The following MCPH1 variants were observed in gnomAD, a reference collection of about 807,000 sequenced individuals.
MCPH1 encodes microcephalin 1.
Under a neutral mutation model 84.5 loss-of-function variants are expected in MCPH1, and 104 were observed. The ratio of observed to expected loss-of-function variants is 1.23; its 90% CI spans 1.05 to 1.45. MCPH1 has a LOEUF of 1.45. MCPH1 is among the 40% of genes most tolerant of loss of function. The probability of loss-of-function intolerance (pLI) is 0.00; values close to 1 mark genes in which losing one functional copy is unlikely to be tolerated. For synonymous variants in MCPH1, 514 were observed against 366.8 expected, an observed-to-expected ratio of 1.40 and a Z score of -4.58; for missense variants, 1,498 against 1,005.7, an observed-to-expected ratio of 1.49 and a Z score of -6.62.
At position 6,566,450 on chromosome 8, in the gene MCPH1, G is replaced by C. The variant is rs555421552; in HGVS notation, c.2215-55004G>C. Among the ~76,000 whole-genome samples the C allele has an allele frequency of 9.8e-5, 15 of 152,346 alleles. No individual in the cohort carries two copies. In the South Asian group the frequency reaches 3.1e-3, roughly 32 times the overall value. On this transcript the variant is annotated intron_variant, in intron 12 of 13. Coordinates refer to ENST00000344683, the MANE Select transcript of MCPH1 (RefSeq NM_024596.5). ...GCAATAACCGTGTGTGGCGAGCAAG[G>C]CTATTGACACTGTACGCCGTGCAGC...
chr8:6,466,304 T>A (rs1417723400), intron 9 of MCPH1, among the ~76,000 whole-genome samples: 1 of 134,760 alleles, frequency 7.4e-6, no homozygotes, highest in Non-Finnish European at 1.6e-5. Flanking sequence ...GCCTGGCTAA[T>A]TTTTTTTTTT....
intron 12 of MCPH1, among the ~76,000 whole-genome samples, chr8:6,613,352 C>G (rs948790934): frequency 6.6e-6 from 1 of 152,160 alleles, no homozygotes; most frequent in Non-Finnish European, 1.5e-5. Context: ...CAGATTCACC[C>G]GCGGCGATGC....
At chr8:6,433,540 G>A (rs894835437) in intron 4 of MCPH1, among the ~76,000 whole-genome samples, 1 of 149,066 alleles carries the variant, frequency 6.7e-6, no homozygotes, top group Admixed American at 6.7e-5. Flanking sequence ...GGCTGAGGCA[G>A]GAGAATTGCT....
rs193008322 is a variant in MCPH1 at position 6,473,024 on chromosome 8, A to G, written c.1936-4570A>G. Among the ~76,000 whole-genome samples the G allele has an allele frequency of 6.0e-4, 91 of 152,332 alleles. No individual in the cohort carries two copies. The East Asian group carries it at 0.014, about 23-fold the overall frequency. ...AATACTCAAGGGTAAAATAAAGTCAATATAAACCATAGAAGGTTATTCTCA... is the reference window on the plus strand; with the variant it reads ...AATACTCAAGGGTAAAATAAAGTCAGTATAAACCATAGAAGGTTATTCTCA... On this transcript the variant is annotated intron_variant, in intron 9 of 13. Transcript: ENST00000344683.
intron 9 of MCPH1, among the ~76,000 whole-genome samples, chr8:6,468,933 A>G (rs1054273512): frequency 6.6e-6 from 1 of 152,202 alleles, no homozygotes; most frequent in Non-Finnish European, 1.5e-5. Flanking sequence ...TCATGCTTGT[A>G]ATCCCAGCAA....
At chr8:6,622,599 A>T (rs1478621741) in intron 13 of MCPH1, among the ~76,000 whole-genome samples, 1 of 152,170 alleles carries the variant, frequency 6.6e-6, no homozygotes, top group Non-Finnish European at 1.5e-5. Flanking sequence ...GGGTGGCTTC[A>T]AACAACACGC....
chr8:6,583,530 T>A (rs1586709675), intron 12 of MCPH1, among the ~76,000 whole-genome samples: 1 of 152,120 alleles, frequency 6.6e-6, no homozygotes, highest in East Asian at 1.9e-4. Context: ...AAGAATACAA[T>A]AAAACAAAGT....
rs1798086389 is a variant in MCPH1, at chr8:6,643,883, A to T, written c.*834A>T. Reference sequence around the variant, plus strand: ...GTGAGCAAAGCATCACCAGCAAGTGATCACAATGTCCACTGGCCGCTTTTT... The same window carrying T: ...GTGAGCAAAGCATCACCAGCAAGTGTTCACAATGTCCACTGGCCGCTTTTT... On this transcript the variant is annotated 3_prime_UTR_variant, in exon 14 of 14. Coordinates refer to ENST00000344683, the MANE Select transcript of MCPH1 (RefSeq NM_024596.5). The T allele has an allele frequency of 6.6e-6, 1 of 152,176 alleles. No homozygotes were observed. The highest frequency in any genetic ancestry group is 1.5e-5 in the Non-Finnish European group (1 of 68,060). 9.4% of individuals were successfully genotyped at this position (152,176 alleles called of 1,614,324 possible). A position where few individuals can be genotyped will look rare whatever the true frequency, so the allele number is the denominator to read the frequency against.
intron 12 of MCPH1, among the ~76,000 whole-genome samples, chr8:6,504,095 G>A (rs1010489276): frequency 6.6e-6 from 1 of 152,114 alleles, no homozygotes; most frequent in African/African-American, 2.4e-5. Flanking sequence ...GAGGTGGGTG[G>A]ATCACGAGAT....
intron 12 of MCPH1, chr8:6,501,347 A>T (rs1345902171): frequency 6.6e-6 from 1 of 152,232 alleles, no homozygotes; most frequent in African/African-American, 2.4e-5. Context: ...CATATAGTAG[A>T]TGCTAGTTAC....
intron 3 of MCPH1, among the ~76,000 whole-genome samples, chr8:6,426,566 C>T (rs978348515): frequency 6.6e-6 from 1 of 152,224 alleles, no homozygotes; most frequent in East Asian, 1.9e-4. Context: ...AGGCATGTAG[C>T]TTGGTGCCAC....
chr8:6,501,366 C>G (rs1400493340), intron 12 of MCPH1: 2 of 152,106 alleles, frequency 1.3e-5, no homozygotes, highest in African/African-American at 2.4e-5. Context: ...ACAGACTGGA[C>G]TCTGAACTTC....
chr8:6,453,466 TTATAAAATGCTTTACA>T (rs1320326264), intron 8 of MCPH1, among the ~76,000 whole-genome samples: 1 of 152,196 alleles, frequency 6.6e-6, no homozygotes, highest in African/African-American at 2.4e-5. Flanking sequence ...AACTTTATGT[TTATAAAATGCTTTACA>T]GCCTGTTTCG....
intron 8 of MCPH1, among the ~76,000 whole-genome samples, chr8:6,450,073 A>C (rs1404569473): frequency 2.6e-5 from 4 of 152,148 alleles, no homozygotes; most frequent in African/African-American, 9.7e-5. Flanking sequence ...ATGGATTTTT[A>C]CATGTCAGCA....
chr8:6,433,925 C>T (rs2129554310), intron 4 of MCPH1, among the ~76,000 whole-genome samples: 1 of 152,186 alleles, frequency 6.6e-6, no homozygotes, highest in South Asian at 2.1e-4. Flanking sequence ...TCAAGCATGC[C>T]AATCGTATTT....
In MCPH1 at chr8:6,497,236, G is replaced by A. The variant is rs568975802; in HGVS notation, c.2137-2616G>A. On this transcript the variant is annotated intron_variant, in intron 11 of 13. Coordinates refer to ENST00000344683, the MANE Select transcript of MCPH1 (RefSeq NM_024596.5). Reference sequence around the variant, plus strand: ...TGGCTCACACCTATAATCCCAACACGTTGAGAGGCCGAAGCAGGTGGATCA... The same window carrying A: ...TGGCTCACACCTATAATCCCAACACATTGAGAGGCCGAAGCAGGTGGATCA... 2.0e-4 allele frequency among the ~76,000 whole-genome samples: 31 copies of A among 151,602 alleles called. 1 individual carries two copies. In the South Asian group the frequency reaches 4.2e-3, roughly 20 times the overall value.
rs552689203 is a variant in MCPH1 at position 6,415,668 on chromosome 8, T to G, written c.233+785T>G. Among the ~76,000 whole-genome samples, 49 of 152,240 alleles carry G rather than the reference T, an allele frequency of 3.2e-4. 1 individual carries two copies. Among genetic ancestry groups the G allele is most frequent in the African/African-American group, 1.0e-3 (42 of 41,524 alleles). The stretch of plus-strand genomic sequence containing the variant: ...CGTGCGCGGCCCACACAGTTTTGAT[T>G]ACAGTAAATTTGTAGTAAGTTTTGA... On this transcript the variant is annotated intron_variant, in intron 3 of 13. Transcript: ENST00000344683.
chr8:6,521,512 A>G (rs970425534), intron 12 of MCPH1: 16 of 867,704 alleles, frequency 1.8e-5, no homozygotes, highest in African/African-American at 3.4e-5. Flanking sequence ...AAGATATTGT[A>G]GTGGTTATAA....
At chr8:6,572,813 C>T (rs751929429) in intron 12 of MCPH1, among the ~76,000 whole-genome samples, 7 of 152,348 alleles carry the variant, frequency 4.6e-5, no homozygotes, top group Non-Finnish European at 7.3e-5. Flanking sequence ...TGCACAAGCA[C>T]TGCTGCCTAA....
Sources: allele counts gnomAD v4.1 joint callset (sites outside exome capture counted in the v4.1 genomes callset), GRCh38; gene constraint gnomAD v4.1.1; transcripts MANE v1.5; gene names NCBI Gene and HGNC (gene_info 2026-07-23, HGNC 2026-07-21).